Variants in CWC27 observed in about 807,000 individuals in gnomAD.
CWC27 encodes the protein CWC27 spliceosome associated cyclophilin.
A neutral mutation model predicts 63.6 loss-of-function variants in CWC27; 47 were observed. The observed-to-expected ratio is 0.74, with a 90% CI of 0.58 to 0.94. CWC27 has a LOEUF of 0.94. Ranked by LOEUF, CWC27 falls within the 40% of genes least tolerant of loss-of-function variation. The pLI, the probability that CWC27 is intolerant of heterozygous loss-of-function variation, is 0.00. For missense variants in CWC27, 495 were observed against 554.3 expected (o/e 0.89, Z 1.07); for synonymous variants, 175 against 179.8 (o/e 0.97, Z 0.22).
At chr5:64,774,856 C>A in intron 2 of CWC27, 69 bp downstream of exon 2, 1 of 905,390 alleles carries the variant, frequency 1.1e-6, no homozygotes, top group Non-Finnish European at 1.7e-6. Flanking sequence ...GTCTGCTTCA[C>A]AACATTGAAG....
At chr5:65,009,298 C>G (rs944697903) in intron 13 of CWC27, among the ~76,000 whole-genome samples, 2 of 152,170 alleles carry the variant, frequency 1.3e-5, no homozygotes, top group African/African-American at 4.8e-5. Flanking sequence ...CCCCATGACC[C>G]AAACACTTCT....
chr5:64,843,712 A>G (rs1195115751), intron 10 of CWC27, among the ~76,000 whole-genome samples: 1 of 152,226 alleles, frequency 6.6e-6, no homozygotes, highest in Non-Finnish European at 1.5e-5. Flanking sequence ...AGAAGTTCAC[A>G]GGCACTTAAA....
At chr5:64,864,386 A>T (rs758285427) in intron 10 of CWC27, among the ~76,000 whole-genome samples, 2 of 152,190 alleles carry the variant, frequency 1.3e-5, no homozygotes, top group African/African-American at 2.4e-5. Context: ...ATAAGATAAG[A>T]TCTTTCCAGG....
chr5:64,977,207 C>A lies in CWC27; in HGVS notation c.1225C>A (p.Pro409Thr), dbSNP rs774515994. ...TGCTGAAACGCCTGAAAATGACATT[C>A]CTGAAACAGAAGTAGAAGATGATGA... The part of the protein sequence containing the change: ...AIAETPENDI[P>T]ETEVEDDEGW... The change falls in exon 13 of 14, where the codon CCT becomes ACT. Residue 409 changes from proline (P) to threonine (T), a missense_variant. Physicochemically the swap from Pro to Thr is conservative, Grantham distance 38 (BLOSUM62 -1). This residue lies in a region of CWC27 where 463 missense variants were observed against 498.1 expected (regional missense o/e 0.93). Transcript: ENST00000381070. 24 of 1,611,488 alleles carry A rather than the reference C, an allele frequency of 1.5e-5. No individual in the cohort carries two copies. Among genetic ancestry groups the A allele is most frequent in the Non-Finnish European group, 2.0e-5 (23 of 1,178,370 alleles).
At chr5:64,865,681 A>AT (rs1263373738) in intron 10 of CWC27, among the ~76,000 whole-genome samples, 4 of 151,946 alleles carry the variant, frequency 2.6e-5, no homozygotes, top group Non-Finnish European at 2.9e-5. Context: ...AAATCTCTCG[A>AT]TTTTTTACTT....
intron 11 of CWC27, among the ~76,000 whole-genome samples, chr5:64,937,310 T>C (rs1452015655): frequency 6.6e-6 from 1 of 152,212 alleles, no homozygotes; most frequent in Non-Finnish European, 1.5e-5. Flanking sequence ...TTGTTTTCAT[T>C]GGTTTCAAAG....
chr5:65,018,480 A>C lies in CWC27; in HGVS notation c.*159A>C. 2 of 617,082 alleles carry C rather than the reference A, an allele frequency of 3.2e-6. No individual in the cohort carries two copies. The highest frequency in any genetic ancestry group is 5.3e-5 in the South Asian group (2 of 37,714). The allele number at this position is 617,082 out of a possible 1,614,324, so 38.2% of individuals were successfully genotyped here. A position where few individuals can be genotyped will look rare whatever the true frequency, so the allele number is the denominator to read the frequency against. On this transcript the variant is annotated 3_prime_UTR_variant, in exon 14 of 14. Coordinates refer to ENST00000381070, the MANE Select transcript of CWC27 (RefSeq NM_005869.4). The stretch of plus-strand genomic sequence containing the variant: ...AATTATCTTGTTTTGCAAATTGTGG[A>C]ATGATGTAAGCAAATGCTTTTGGTT...
chr5:65,016,012 T>C (rs1330450273), intron 13 of CWC27, among the ~76,000 whole-genome samples: 2 of 152,230 alleles, frequency 1.3e-5, no homozygotes, highest in African/African-American at 4.8e-5. Context: ...TCACTGATTA[T>C]TTAGACCTTG....
intron 11 of CWC27, among the ~76,000 whole-genome samples, chr5:64,918,343 G>T (rs1747932028): frequency 6.6e-6 from 1 of 152,046 alleles, no homozygotes; most frequent in Admixed American, 6.6e-5. Flanking sequence ...AAGTTGAAGA[G>T]CTCTATTATA....
intron 11 of CWC27, among the ~76,000 whole-genome samples, chr5:64,908,815 G>A (rs1747718802): frequency 6.6e-6 from 1 of 152,146 alleles, no homozygotes; most frequent in Admixed American, 6.5e-5. Context: ...AGAGCACACT[G>A]ATGGGTCTTG....
At chr5:64,874,874 C>G (rs1746759309) in intron 10 of CWC27, among the ~76,000 whole-genome samples, 1 of 151,446 alleles carries the variant, frequency 6.6e-6, no homozygotes, top group South Asian at 2.1e-4. Context: ...TACTGCCTTA[C>G]TAGAAATGGA....
intron 3 of CWC27, 103 bp from the exon 4 acceptor site, chr5:64,783,733 A>AT: frequency 9.9e-7 from 1 of 1,012,864 alleles, no homozygotes; most frequent in South Asian, 2.5e-5. Context: ...AAATGTCTGC[A>AT]TTTTTTATTA....
At chr5:65,013,784 G>A (rs1201569079) in intron 13 of CWC27, among the ~76,000 whole-genome samples, 1 of 152,146 alleles carries the variant, frequency 6.6e-6, no homozygotes, top group East Asian at 1.9e-4. Flanking sequence ...AAGTTAGGGT[G>A]GCTTGGATGT....
At chr5:65,005,821 AC>A (rs1287928302) in intron 13 of CWC27, among the ~76,000 whole-genome samples, 1 of 152,228 alleles carries the variant, frequency 6.6e-6, no homozygotes, top group African/African-American at 2.4e-5. Context: ...CCTAAAAATT[AC>A]ATTTGATAGT....
chr5:64,848,009 A>G (rs904039439), intron 10 of CWC27, among the ~76,000 whole-genome samples: 1 of 152,094 alleles, frequency 6.6e-6, no homozygotes, highest in African/African-American at 2.4e-5. Context: ...GAGAAAAAAT[A>G]CAATAAAGAT....
chr5:64,845,106 G>T, intron 10 of CWC27: 1 of 441,922 alleles, frequency 2.3e-6, no homozygotes, highest in South Asian at 1.6e-5. Flanking sequence ...AGACAGTGGA[G>T]TCTATCCAGC....
chr5:64,800,401 T>A, intron 8 of CWC27, 74 bp downstream of exon 8: 1 of 1,121,056 alleles, frequency 8.9e-7, no homozygotes, highest in Non-Finnish European at 1.3e-6. Flanking sequence ...CTTCTGTGAG[T>A]AAACAGTCAG....
intron 10 of CWC27, among the ~76,000 whole-genome samples, chr5:64,851,393 G>A (rs1287332047): frequency 6.6e-6 from 1 of 152,142 alleles, no homozygotes; most frequent in African/African-American, 2.4e-5. Flanking sequence ...GAAGCTGGAG[G>A]GGTGGGAGGA....
chr5:64,812,660 T>C (rs559137317), intron 10 of CWC27, among the ~76,000 whole-genome samples: 1 of 152,290 alleles, frequency 6.6e-6, no homozygotes, highest in African/African-American at 2.4e-5. Flanking sequence ...TATTTTTGTA[T>C]ATTTTTTCCT....
Sources: allele counts gnomAD v4.1 joint callset (sites outside exome capture counted in the v4.1 genomes callset), GRCh38; gene constraint gnomAD v4.1.1; regional missense constraint gnomAD v4.1.1; transcripts MANE v1.5; gene names NCBI Gene and HGNC (gene_info 2026-07-23, HGNC 2026-07-21).